The following DIS3L2 variants were observed in gnomAD, a reference collection of about 807,000 sequenced individuals.
DIS3L2 encodes the protein DIS3-like exonuclease 2.
Under a neutral mutation model 97.5 loss-of-function variants are expected in DIS3L2, and 34 were observed. The ratio of observed to expected loss-of-function variants is 0.35; its 90% CI spans 0.27 to 0.46. The LOEUF is 0.46. DIS3L2 is among the 20% of genes least tolerant of loss of function. The pLI is 1.00. For synonymous variants in DIS3L2, 435 were observed against 445.2 expected (o/e 0.98, Z 0.29); for missense variants, 1,038 against 1,146.0 (o/e 0.91, Z 1.36).
chr2:232,275,814 T>C (rs948400315), intron 13 of DIS3L2, among the ~76,000 whole-genome samples: 1 of 152,044 alleles, frequency 6.6e-6, no homozygotes, highest in African/African-American at 2.4e-5. Flanking sequence ...TGGCTTACTG[T>C]CTCCTGGAAG....
chr2:232,131,943 CAAAAAAAAAAAAA>C (rs33952490), intron 7 of DIS3L2: 1 of 36,440 alleles, frequency 2.7e-5, no homozygotes, highest in Admixed American at 4.0e-4. Flanking sequence ...TGGCTTTCAG[CAAAAAAAAAAAAA>C]AAAAAAAAAA....
chr2:232,073,714 AT>A (rs1696102772), intron 5 of DIS3L2, among the ~76,000 whole-genome samples: 1 of 152,148 alleles, frequency 6.6e-6, no homozygotes, highest in Non-Finnish European at 1.5e-5. Context: ...TTCCATTAGA[AT>A]TTTTTGGTTA....
chr2:232,192,498 G>T (rs1483854618), intron 9 of DIS3L2, among the ~76,000 whole-genome samples: 1 of 152,168 alleles, frequency 6.6e-6, no homozygotes, highest in East Asian at 1.9e-4. Context: ...TGAGAAAATA[G>T]AAGTTAGAGC....
intron 5 of DIS3L2, among the ~76,000 whole-genome samples, chr2:232,058,393 G>A (rs1229010257): frequency 2.0e-5 from 3 of 152,130 alleles, no homozygotes; most frequent in Non-Finnish European, 4.4e-5. Flanking sequence ...TTTTGGTAGT[G>A]GTTATGTCAT....
intron 1 of DIS3L2, among the ~76,000 whole-genome samples, chr2:232,011,581 G>A (rs11688095): frequency 0.011 from 1,718 of 152,186 alleles, 19 homozygotes; most frequent in Non-Finnish European, 0.016. Context: ...TCGAACTCCC[G>A]AACACAGGTG....
intron 10 of DIS3L2, 51 bp downstream of exon 10, chr2:232,210,456 T>TG (rs756554974): frequency 6.6e-7 from 1 of 1,524,926 alleles, no homozygotes; most frequent in African/African-American, 1.4e-5. Flanking sequence ...TCTGCATGCC[T>TG]GTGTGGTTAG....
chr2:232,102,595 C>A (rs935610240), intron 6 of DIS3L2, among the ~76,000 whole-genome samples: 1 of 152,078 alleles, frequency 6.6e-6, no homozygotes, highest in Non-Finnish European at 1.5e-5. Context: ...TGCAAACACA[C>A]GTGCATATAC....
intron 9 of DIS3L2, among the ~76,000 whole-genome samples, chr2:232,197,697 G>A (rs920518665): frequency 6.6e-6 from 1 of 152,068 alleles, no homozygotes; most frequent in African/African-American, 2.4e-5. Flanking sequence ...GGCTGGGCGC[G>A]GTGGCTCAAG....
chr2:232,000,369 C>T (rs891570150), intron 1 of DIS3L2, among the ~76,000 whole-genome samples: 6 of 152,174 alleles, frequency 3.9e-5, no homozygotes, highest in African/African-American at 1.4e-4. Flanking sequence ...TGAACTTATT[C>T]CTCCAGTCTT....
intron 6 of DIS3L2, among the ~76,000 whole-genome samples, chr2:232,115,158 T>C (rs1697665112): frequency 6.6e-6 from 1 of 152,130 alleles, no homozygotes; most frequent in Admixed American, 6.5e-5. Context: ...TACTGCCACA[T>C]TGGGAATTAA....
At chr2:232,312,544 G>A (rs1695165554) in intron 14 of DIS3L2, among the ~76,000 whole-genome samples, 1 of 152,122 alleles carries the variant, frequency 6.6e-6, no homozygotes, top group Non-Finnish European at 1.5e-5. Context: ...TTCCAACTTG[G>A]ACTTTTTCTA....
chr2:232,341,513 G>A (rs1696101343), downstream of DIS3L2, among the ~76,000 whole-genome samples: 1 of 152,180 alleles, frequency 6.6e-6, no homozygotes, highest in African/African-American at 2.4e-5. Flanking sequence ...TTTACGATCT[G>A]GCAATAGCGT....
At chr2:232,048,276 G>A (rs919934178) in intron 5 of DIS3L2, among the ~76,000 whole-genome samples, 1 of 152,148 alleles carries the variant, frequency 6.6e-6, no homozygotes, top group Non-Finnish European at 1.5e-5. Context: ...CAGCTGTGTT[G>A]CTCCCGTTTC....
At chr2:232,301,477 T>G (rs562943212) in intron 14 of DIS3L2, among the ~76,000 whole-genome samples, 1 of 152,330 alleles carries the variant, frequency 6.6e-6, no homozygotes, top group Non-Finnish European at 1.5e-5. Flanking sequence ...AAGAGAAACC[T>G]GGGCCTTCCT....
intron 3 of DIS3L2, among the ~76,000 whole-genome samples, chr2:232,020,454 A>G (rs1694482086): frequency 6.6e-6 from 1 of 152,122 alleles, no homozygotes; most frequent in African/African-American, 2.4e-5. Flanking sequence ...TGGATGAGAT[A>G]TGGAAGGTGA....
rs75214995 is a variant in DIS3L2, at chr2:232,311,059, A to G, written c.1739+10940A>G. Among the ~76,000 whole-genome samples the G allele has an allele frequency of 1.2e-4, 19 of 152,326 alleles. No individual in the cohort carries two copies. In the East Asian group the frequency reaches 3.1e-3, roughly 25 times the overall value. On this transcript the variant is annotated intron_variant, in intron 14 of 20. Coordinates refer to ENST00000325385, the MANE Select transcript of DIS3L2 (RefSeq NM_152383.5). ...TCAGTTGCCTCGGCAGAGGTTTCCC[A>G]TGCTGCTGAGCTATGGTGCTCAGGA...
intron 13 of DIS3L2, among the ~76,000 whole-genome samples, chr2:232,267,782 C>T (rs971371721): frequency 3.9e-5 from 6 of 152,156 alleles, no homozygotes; most frequent in Non-Finnish European, 5.9e-5. Context: ...TCTTGGGACA[C>T]GAAGCCTGTT....
At chr2:232,120,110 G>T (rs1326782289) in intron 6 of DIS3L2, among the ~76,000 whole-genome samples, 1 of 152,072 alleles carries the variant, frequency 6.6e-6, no homozygotes, top group Non-Finnish European at 1.5e-5. Context: ...CATATCCCTG[G>T]CTTGGGCAGA....
At chr2:231,994,294 C>G (rs1165563117) in intron 1 of DIS3L2, among the ~76,000 whole-genome samples, 1 of 151,958 alleles carries the variant, frequency 6.6e-6, no homozygotes, top group Non-Finnish European at 1.5e-5. Flanking sequence ...AGCTATATAG[C>G]TTAAAATCAG....
Sources: gnomAD v4.1 joint callset for allele counts (sites outside exome capture counted in the v4.1 genomes callset) on GRCh38, gnomAD v4.1.1 for gene constraint, MANE v1.5 for transcripts, NCBI Gene and HGNC (gene_info 2026-07-23, HGNC 2026-07-21) for gene names.